UBE2Q2: variants seen among roughly 807,000 people sequenced by gnomAD.
UBE2Q2 encodes ubiquitin-conjugating enzyme E2 Q2.
Under a neutral mutation model 59.9 loss-of-function variants are expected in UBE2Q2, and 54 were observed. That is an observed-to-expected ratio of 0.90 (90% confidence interval 0.72 to 1.13). The LOEUF (loss-of-function observed/expected upper bound fraction) is 1.13. UBE2Q2 is among the 50% of genes most tolerant of loss of function. The pLI, the probability that UBE2Q2 is intolerant of heterozygous loss-of-function variation, is 0.00. For missense variants in UBE2Q2, 433 were observed against 441.9 expected (o/e 0.98, Z 0.18); for synonymous variants, 165 against 155.2 (o/e 1.06, Z -0.47).
intron 4 of UBE2Q2, among the ~76,000 whole-genome samples, chr15:75,871,274 G>T (rs1041773192): frequency 1.3e-5 from 2 of 152,208 alleles, no homozygotes; most frequent in Non-Finnish European, 1.5e-5. Flanking sequence ...TAGATGGAAC[G>T]TACAATCGGG....
intron 11 of UBE2Q2, among the ~76,000 whole-genome samples, chr15:75,896,254 A>T (rs144221015): frequency 7.7e-4 from 118 of 152,330 alleles, no homozygotes; most frequent in Admixed American, 1.1e-3. Flanking sequence ...CTGGGTGTTC[A>T]GGGCACCAAG....
chr15:75,844,548 T>C, intron 1 of UBE2Q2: 4 of 1,513,530 alleles, frequency 2.6e-6, no homozygotes, highest in Non-Finnish European at 3.6e-6. Flanking sequence ...AATGGATAGG[T>C]GAAAGGAGAT....
chr15:75,900,813 G>C lies in UBE2Q2; in HGVS notation c.*1355G>C, dbSNP rs1280653115. 6.6e-6 allele frequency: 1 copy of C among 152,618 alleles called. No individual in the cohort carries two copies. The highest frequency in any genetic ancestry group is 1.5e-5 in the Non-Finnish European group (1 of 68,030). 9.5% of individuals were successfully genotyped at this position (152,618 alleles called of 1,614,324 possible). A position where few individuals can be genotyped will look rare whatever the true frequency, so the allele number is the denominator to read the frequency against. ...TAAAGTTCTGATTGCCAGTTGCTCA[G>C]ATAACAAGTGACAAGGCAGAATTCT... On this transcript the variant is annotated 3_prime_UTR_variant, in exon 13 of 13. Coordinates refer to ENST00000267938, the MANE Select transcript of UBE2Q2 (RefSeq NM_173469.4).
chr15:75,865,965 T>C (rs780172656), intron 3 of UBE2Q2, among the ~76,000 whole-genome samples: 12 of 152,314 alleles, frequency 7.9e-5, no homozygotes, highest in Non-Finnish European at 1.8e-4. Context: ...AGATAATGCT[T>C]CCTGTCTTGA....
rs550922026 is a variant in UBE2Q2 at position 75,866,260 on chromosome 15, C to T, written c.388-2691C>T. Reference sequence around the variant, plus strand: ...TGATCACAGCTCACTGCAGCCTCTACCTTCCTGGGCATAAGCAGTCCTCCC... The same window carrying T: ...TGATCACAGCTCACTGCAGCCTCTATCTTCCTGGGCATAAGCAGTCCTCCC... On this transcript the variant is annotated intron_variant, in intron 3 of 12. Transcript: ENST00000267938. 2.6e-5 allele frequency among the ~76,000 whole-genome samples: 4 copies of T among 152,174 alleles called. No individual in the cohort carries two copies. The East Asian group carries it at 5.8e-4, about 22-fold the overall frequency.
At chr15:75,895,476 C>T (rs1166140399) in intron 11 of UBE2Q2, among the ~76,000 whole-genome samples, 1 of 151,910 alleles carries the variant, frequency 6.6e-6, no homozygotes, top group African/African-American at 2.4e-5. Flanking sequence ...AGCCACCGTG[C>T]CTGGCCGGCT....
intron 1 of UBE2Q2, 122 bp downstream of exon 1, chr15:75,843,968 C>T (rs1896168155): frequency 7.1e-7 from 1 of 1,405,858 alleles, no homozygotes; most frequent in Non-Finnish European, 9.2e-7. Flanking sequence ...GGCAGGCCCG[C>T]CCCTTTCCCC....
intron 11 of UBE2Q2, chr15:75,895,246 C>T (rs150142857): frequency 0.036 from 5,448 of 151,902 alleles, 177 homozygotes; most frequent in African/African-American, 0.082. Context: ...TGCAATGGTA[C>T]GATCTCGGGC....
chr15:75,868,016 A>G lies in UBE2Q2; in HGVS notation c.388-935A>G, dbSNP rs139160452. Among the ~76,000 whole-genome samples the G allele has an allele frequency of 3.6e-3, 554 of 152,282 alleles. 3 individuals are homozygous for G. Among genetic ancestry groups the G allele is most frequent in the African/African-American group, 0.012 (511 of 41,548 alleles). The stretch of plus-strand genomic sequence containing the variant: ...AAATACAAGTTAATTCTGCATGGGT[A>G]TGTTTACATGGAATTCTCCAGCTGA... On this transcript the variant is annotated intron_variant, in intron 3 of 12. Transcript: ENST00000267938.
intron 1 of UBE2Q2, among the ~76,000 whole-genome samples, chr15:75,848,048 T>C (rs1432728237): frequency 6.6e-6 from 1 of 152,222 alleles, no homozygotes. Flanking sequence ...GTGAGAAGTT[T>C]AGCTTTTATT....
At chr15:75,891,121 ATTTGG>A in intron 11 of UBE2Q2, 107 bp downstream of exon 11, 2 of 867,346 alleles carry the variant, frequency 2.3e-6, no homozygotes. Flanking sequence ...TTTCATTTTC[ATTTGG>A]TTTGTTTTCT....
chr15:75,863,453 C>CT lies in UBE2Q2; in HGVS notation c.387+3483dup, dbSNP rs754022015. On this transcript the variant is annotated intron_variant, in intron 3 of 12. Transcript: ENST00000267938. ...CTGTTTTTTTTGTTTGTTTGTTTTT[C>CT]TTTTTTTTTTTTGACGGAGTCTCTC... Among the ~76,000 whole-genome samples the CT allele has an allele frequency of 5.9e-3, 851 of 144,422 alleles. 10 individuals are homozygous for CT. The highest frequency in any genetic ancestry group is 0.016 in the African/African-American group (641 of 39,602). 94.7% of individuals were successfully genotyped at this position (144,422 alleles called of 152,430 possible). A position where few individuals can be genotyped will look rare whatever the true frequency, so the allele number is the denominator to read the frequency against.
chr15:75,873,535 A>G lies in UBE2Q2; in HGVS notation c.555A>G (p.Lys185=). 1 of 1,613,808 alleles carries G rather than the reference A, an allele frequency of 6.2e-7. No individual in the cohort carries two copies. Among genetic ancestry groups the G allele is most frequent in the South Asian group, 1.1e-5 (1 of 91,010 alleles). The change falls in exon 5 of 13, where the codon AAA becomes AAG. Residue 185 remains lysine, a synonymous_variant. Coordinates refer to ENST00000267938, the MANE Select transcript of UBE2Q2 (RefSeq NM_173469.4). ...IEKENLAILE[K]IRKTQRQDHL... ...AAGAAAATTTGGCAATATTAGAGAA[A>G]ATTAGGAAGACTCAAAGGCAAGACC...
At position 75,869,018 on chromosome 15, in the gene UBE2Q2, T is replaced by G; in HGVS notation, c.447+8T>G. 6.2e-7 allele frequency: 1 copy of G among 1,607,942 alleles called. No individual in the cohort carries two copies. Among genetic ancestry groups the G allele is most frequent in the Non-Finnish European group, 8.5e-7 (1 of 1,175,922 alleles). On this transcript the variant is annotated splice_region_variant and intron_variant, in intron 4 of 12. Coordinates refer to ENST00000267938, the MANE Select transcript of UBE2Q2 (RefSeq NM_173469.4). ...GAAGAAGAGATGGCTGAAGTAGGTA[T>G]TTTATATAAAAGAAGAGTTCATAAA...
At chr15:75,844,425 C>G in intron 1 of UBE2Q2, 2 of 1,551,624 alleles carry the variant, frequency 1.3e-6, no homozygotes, top group Non-Finnish European at 1.7e-6. Context: ...ACCCCTCTCC[C>G]CCGGGCCTGG....
chr15:75,865,188 C>T (rs1298025083), intron 3 of UBE2Q2, among the ~76,000 whole-genome samples: 1 of 152,256 alleles, frequency 6.6e-6, no homozygotes, highest in African/African-American at 2.4e-5. Context: ...CCTCTGTGCA[C>T]TCATCTTTCC....
chr15:75,869,712 A>T (rs12324675), intron 4 of UBE2Q2, among the ~76,000 whole-genome samples: 1 of 152,168 alleles, frequency 6.6e-6, no homozygotes, highest in Non-Finnish European at 1.5e-5. Flanking sequence ...TAAAGGTCCT[A>T]CCTCTTAATA....
At chr15:75,889,560 G>T (rs1898977819) in intron 9 of UBE2Q2, among the ~76,000 whole-genome samples, 1 of 152,098 alleles carries the variant, frequency 6.6e-6, no homozygotes. Context: ...CATTTGGAAG[G>T]GTAGGAAGCA....
chr15:75,888,515 A>T (rs1039332652), intron 9 of UBE2Q2, among the ~76,000 whole-genome samples: 2 of 152,144 alleles, frequency 1.3e-5, no homozygotes, highest in Non-Finnish European at 2.9e-5. Flanking sequence ...TCCTTAGATG[A>T]CCCTTACTTA....
Sources: gnomAD v4.1 joint callset for allele counts (sites outside exome capture counted in the v4.1 genomes callset) on GRCh38, gnomAD v4.1.1 for gene constraint, MANE v1.5 for transcripts, NCBI Gene and HGNC (gene_info 2026-07-23, HGNC 2026-07-21) for gene names.